Variants in SYT7 observed in about 807,000 individuals in gnomAD.
SYT7 encodes the protein synaptotagmin-7.
A neutral mutation model predicts 75.1 loss-of-function variants in SYT7; 29 were observed. That is an observed-to-expected ratio of 0.39 (90% CI 0.29 to 0.53). The LOEUF is 0.53. Among genes scored for constraint, SYT7 ranks in the 20% least tolerant of loss-of-function variants. SYT7 has a pLI of 0.77. For synonymous variants in SYT7, 376 were observed against 401.7 expected (o/e 0.94, Z 0.76); for missense variants, 693 against 953.2 (o/e 0.73, Z 3.59).
At chr11:61,584,942 G>A (rs1406106698), upstream of SYT7, among the ~76,000 whole-genome samples, 2 of 152,236 alleles carry the variant, frequency 1.3e-5, no homozygotes, top group African/African-American at 2.4e-5. Context: ...CCTGTCCTGG[G>A]TTCCATGACG....
Position 61,517,624 on chromosome 11 carries a change from G to A in SYT7, c.*1003C>T, listed in dbSNP as rs1299941656. On this transcript the variant is annotated 3_prime_UTR_variant, in exon 13 of 13. Transcript: ENST00000539008. Reference sequence around the variant, plus strand: ...TGGAGAATAGGGCAGATGTGGCTGCGTATGAGGTGTGGGAAGCTGGCGGGG... The same window carrying A: ...TGGAGAATAGGGCAGATGTGGCTGCATATGAGGTGTGGGAAGCTGGCGGGG... 2.0e-5 allele frequency: 8 copies of A among 398,886 alleles called. No individual in the cohort carries two copies. The highest frequency in any genetic ancestry group is 4.4e-5 in the Admixed American group (1 of 22,706). The allele number at this position is 398,886 out of a possible 1,614,324, so 24.7% of individuals were successfully genotyped here.
At chr11:61,572,214 C>G (rs1367360931) in intron 1 of SYT7, among the ~76,000 whole-genome samples, 1 of 152,184 alleles carries the variant, frequency 6.6e-6, no homozygotes, top group Non-Finnish European at 1.5e-5. Flanking sequence ...AGAGCCTCCC[C>G]CATGAGTGAG....
chr11:61,520,849 C>T (rs952314479), intron 12 of SYT7, among the ~76,000 whole-genome samples: 1 of 152,084 alleles, frequency 6.6e-6, no homozygotes, highest in African/African-American at 2.4e-5. Flanking sequence ...CGAAACAAAA[C>T]GAAAAGGATG....
At chr11:61,549,952 G>A (rs2063301320) in intron 3 of SYT7, among the ~76,000 whole-genome samples, 2 of 152,222 alleles carry the variant, frequency 1.3e-5, no homozygotes, top group African/African-American at 4.8e-5. Context: ...ACCTGGCAGA[G>A]GCAGGCCCCC....
At chr11:61,539,376 A>AGG (rs1210179559) in intron 6 of SYT7, 1 of 152,028 alleles carries the variant, frequency 6.6e-6, no homozygotes, top group Admixed American at 6.6e-5. Flanking sequence ...CGCATTTGCC[A>AGG]GGGGGGGAGA....
chr11:61,542,608 A>C lies in SYT7; in HGVS notation c.573-29T>G, dbSNP rs953085617. 4 of 1,465,164 alleles carry C rather than the reference A, an allele frequency of 2.7e-6. No individual in the cohort carries two copies. Among genetic ancestry groups the C allele is most frequent in the Non-Finnish European group, 2.7e-6 (3 of 1,111,734 alleles). 90.8% of individuals were successfully genotyped at this position (1,465,164 alleles called of 1,614,324 possible). A position where few individuals can be genotyped will look rare whatever the true frequency, so the allele number is the denominator to read the frequency against. Reference sequence around the variant, plus strand: ...GGGGCAGGTGGAGGAGAGGAGAGAAAGGAGAAGCAGATGAAGGGATCACAG... The same window carrying C: ...GGGGCAGGTGGAGGAGAGGAGAGAACGGAGAAGCAGATGAAGGGATCACAG... On this transcript the variant is annotated intron_variant, in intron 5 of 12. Coordinates refer to ENST00000539008, the MANE Select transcript of SYT7 (RefSeq NM_001365809.2). The surrounding 1 kb of genome is among the most constrained non-coding windows in gnomAD (Gnocchi z 7.8).
At chr11:61,539,823 T>A (rs2062990662) in intron 6 of SYT7, 1 of 152,102 alleles carries the variant, frequency 6.6e-6, no homozygotes, top group African/African-American at 2.4e-5. Context: ...CCCCTCCCTG[T>A]CTTTGCGTCT....
At position 61,524,695 on chromosome 11, in the gene SYT7, G is replaced by A. The variant is rs1284712289; in HGVS notation, c.1472-163C>T. ...GATTGCAATTAGACCTTACTGAAGT[G>A]CTAGCAAGAACTGTCACCGTCTCAT... On this transcript the variant is annotated intron_variant, in intron 9 of 12. Transcript: ENST00000539008. The surrounding 1 kb of genome is among the most constrained non-coding windows in gnomAD (Gnocchi z 4.1). 1.7e-6 allele frequency: 1 copy of A among 599,532 alleles called. No individual in the cohort carries two copies. Among genetic ancestry groups the A allele is most frequent in the East Asian group, 3.1e-5 (1 of 32,552 alleles). 37.1% of individuals were successfully genotyped at this position (599,532 alleles called of 1,614,324 possible). A position where few individuals can be genotyped will look rare whatever the true frequency, so the allele number is the denominator to read the frequency against.
rs1212759651 is a variant in SYT7 at position 61,542,722 on chromosome 11, TCGCCACCGCCGTCGC to T, written c.573-158_573-144del. ...CCTCGCCAGGCCTCCATCGGAGCTG[TCGCCACCGCCGTCGC>T]CGCCACTGCCTCGCCCAGGAGGCTG... On this transcript the variant is annotated intron_variant, in intron 5 of 12. Transcript: ENST00000539008. The surrounding 1 kb of genome is among the most constrained non-coding windows in gnomAD (Gnocchi z 7.8). 7.4e-7 allele frequency: 1 copy of T among 1,351,936 alleles called. No homozygotes were observed. Among genetic ancestry groups the T allele is most frequent in the Admixed American group, 3.4e-5 (1 of 29,072 alleles). The allele number at this position is 1,351,936 out of a possible 1,614,324, so 83.7% of individuals were successfully genotyped here.
At position 61,542,853 on chromosome 11, in the gene SYT7, C is replaced by CGG. The variant is rs1235562036; in HGVS notation, c.573-275_573-274insCC. 3.3e-5 allele frequency among the ~76,000 whole-genome samples: 5 copies of CGG among 152,354 alleles called. No homozygotes were observed. The South Asian group carries it at 8.3e-4, about 25-fold the overall frequency. On this transcript the variant is annotated intron_variant, in intron 5 of 12. Transcript: ENST00000539008. The surrounding 1 kb of genome is among the most constrained non-coding windows in gnomAD (Gnocchi z 7.8). ...CAGCTAGTGCCAGAATACCTCCTGGCTAGGCCGACCTCCCTGCCGGTCTGA... is the reference window on the plus strand; with the variant it reads ...CAGCTAGTGCCAGAATACCTCCTGGCGGTAGGCCGACCTCCCTGCCGGTCTGA...
chr11:61,581,028 C>T lies in SYT7; in HGVS notation c.-208G>A. 1 of 809,238 alleles carries T rather than the reference C, an allele frequency of 1.2e-6. No individual in the cohort carries two copies. Among genetic ancestry groups the T allele is most frequent in the Non-Finnish European group, 1.5e-6 (1 of 671,206 alleles). The allele number at this position is 809,238 out of a possible 1,614,324, so 50.1% of individuals were successfully genotyped here. A position where few individuals can be genotyped will look rare whatever the true frequency, so the allele number is the denominator to read the frequency against. ...CGCCCGCGGAGCACGCTGCCGCCGC[C>T]GCCGAACAGCGCCGAGCCGCCTCCC... On this transcript the variant is annotated 5_prime_UTR_variant, in exon 1 of 13. Coordinates refer to ENST00000539008, the MANE Select transcript of SYT7 (RefSeq NM_001365809.2).
intron 5 of SYT7, among the ~76,000 whole-genome samples, chr11:61,543,850 G>A (rs2063114393): frequency 6.6e-6 from 1 of 152,212 alleles, no homozygotes; most frequent in Admixed American, 6.5e-5. Context: ...GCCAGAGACT[G>A]GGCTGAATGA....
Position 61,551,878 on chromosome 11 carries a change from AG to A in SYT7, c.136-416del, listed in dbSNP as rs2063363197. On this transcript the variant is annotated intron_variant, in intron 2 of 12. Coordinates refer to ENST00000539008, the MANE Select transcript of SYT7 (RefSeq NM_001365809.2). This position sits in a 1 kb window ranked among gnomAD's most constrained non-coding sequence, Gnocchi z 5.3. ...GGTGGGGGTGGCATCCTGCAGGGCA[AG>A]GTTGGCAGTGGCCAGTGATGTGAGC... 6.6e-6 allele frequency among the ~76,000 whole-genome samples: 1 copy of A among 152,110 alleles called. No homozygotes were observed. Among genetic ancestry groups the A allele is most frequent in the Non-Finnish European group, 1.5e-5 (1 of 67,990 alleles).
intron 1 of SYT7, among the ~76,000 whole-genome samples, chr11:61,568,647 G>A (rs753760143): frequency 9.2e-5 from 14 of 152,136 alleles, no homozygotes; most frequent in Non-Finnish European, 2.1e-4. Context: ...CCATTCAGCT[G>A]GATCTACCTC....
intron 2 of SYT7, among the ~76,000 whole-genome samples, chr11:61,552,497 C>A (rs554594527): frequency 6.6e-6 from 1 of 152,076 alleles, no homozygotes; most frequent in Non-Finnish European, 1.5e-5. Flanking sequence ...TGCACACACA[C>A]GTGCGCGCAC....
chr11:61,518,729 G>T lies in SYT7; in HGVS notation c.1959C>A (p.Ile653=). Residue 653 remains isoleucine, a splice_region_variant and synonymous_variant, in exon 13 of 13, where the codon ATC becomes ATA. Coordinates refer to ENST00000539008, the MANE Select transcript of SYT7 (RefSeq NM_001365809.2). The part of the protein sequence containing the change: ...KLSRNDVIGK[I]YLSWKSGPGE... ...CTGGCCCGCTCTTCCAGGACAGGTA[G>T]ATCTGGGGAGAAAGGGGAGACGATG... 6.5e-7 allele frequency: 1 copy of T among 1,537,478 alleles called. No individual in the cohort carries two copies. The highest frequency in any genetic ancestry group is 2.5e-5 in the East Asian group (1 of 40,262).
intron 7 of SYT7, 30 bp from the exon 8 acceptor site, chr11:61,533,154 G>A: frequency 6.5e-7 from 1 of 1,544,688 alleles, no homozygotes. Context: ...AATGAGATTG[G>A]GCTGGGAAGT....
At chr11:61,566,692 C>T (rs1352613761) in intron 1 of SYT7, among the ~76,000 whole-genome samples, 1 of 152,130 alleles carries the variant, frequency 6.6e-6, no homozygotes, top group Non-Finnish European at 1.5e-5. Flanking sequence ...GGATCAGGGA[C>T]GTGTGATGAT....
chr11:61,542,723 C>T lies in SYT7; in HGVS notation c.573-144G>A, dbSNP rs751457973. 5.3e-5 allele frequency: 72 copies of T among 1,346,116 alleles called. No homozygotes were observed. The highest frequency in any genetic ancestry group is 5.4e-4 in the Middle Eastern group (2 of 3,670). The allele number at this position is 1,346,116 out of a possible 1,614,324, so 83.4% of individuals were successfully genotyped here. A position where few individuals can be genotyped will look rare whatever the true frequency, so the allele number is the denominator to read the frequency against. ...CTCGCCAGGCCTCCATCGGAGCTGT[C>T]GCCACCGCCGTCGCCGCCACTGCCT... On this transcript the variant is annotated intron_variant, in intron 5 of 12. Transcript: ENST00000539008. This position sits in a 1 kb window ranked among gnomAD's most constrained non-coding sequence, Gnocchi z 7.8.
Sources: allele counts gnomAD v4.1 joint callset (sites outside exome capture counted in the v4.1 genomes callset), GRCh38; gene constraint gnomAD v4.1.1; non-coding constraint Gnocchi (gnomAD v3.1); transcripts MANE v1.5; gene names NCBI Gene and HGNC (gene_info 2026-07-23, HGNC 2026-07-21).